BASP1: variants seen among roughly 807,000 people sequenced by gnomAD.
BASP1 encodes brain abundant membrane attached signal protein 1, also known as brain acid soluble protein 1.
Under a neutral mutation model 2.2 loss-of-function variants are expected in BASP1, and 1 was observed. The observed-to-expected ratio is 0.46, with a 90% CI of 0.16 to 2.17. BASP1 has a LOEUF of 2.17. Ranked by LOEUF, BASP1 falls within the 30% of genes most tolerant of loss-of-function variation. The pLI is 0.27. For missense variants in BASP1, 352 were observed against 327.2 expected (o/e 1.08, Z -0.58); for synonymous variants, 187 against 154.2 (o/e 1.21, Z -1.58).
In BASP1 at chr5:17,248,847, C is replaced by G. The variant is rs116125086; in HGVS notation, c.-9-26361C>G. 1.1e-4 allele frequency among the ~76,000 whole-genome samples: 17 copies of G among 152,252 alleles called. No homozygotes were observed. In the South Asian group the frequency reaches 3.3e-3, roughly 30 times the overall value. On this transcript the variant is annotated intron_variant, in intron 1 of 1. Transcript: ENST00000322611. ...TTAAAAAGCACGTTTACATGTGGTG[C>G]GCCTATTCTAGGTCTCCTTGATTTC...
chr5:17,221,138 TTCTG>T (rs1310259353), intron 1 of BASP1, among the ~76,000 whole-genome samples: 3 of 152,204 alleles, frequency 2.0e-5, no homozygotes, highest in African/African-American at 7.2e-5. Context: ...CATAATCAAT[TTCTG>T]TCTTTCTAAA....
Position 17,275,348 on chromosome 5 carries a change from G to T in BASP1, c.132G>T (p.Ala44=). 1.2e-6 allele frequency: 2 copies of T among 1,604,876 alleles called. No homozygotes were observed. The highest frequency in any genetic ancestry group is 1.7e-6 in the Non-Finnish European group (2 of 1,176,234). ...CCCCGAAGGAGAGTGAGCCCCAGGC[G>T]GCCGCAGAGCCCGCCGAGGCCAAGG... ...EGTPKESEPQ[A]AAEPAEAKEG... is the part of the protein sequence containing the mutation. The change falls in exon 2 of 2, where the codon GCG becomes GCT. Residue 44 remains alanine, a synonymous_variant. Transcript: ENST00000322611. This position sits in a 1 kb window ranked among gnomAD's most constrained non-coding sequence, Gnocchi z 5.3.
intron 1 of BASP1, among the ~76,000 whole-genome samples, chr5:17,267,852 A>AT (rs1021780008): frequency 1.2e-5 from 1 of 80,142 alleles, no homozygotes; most frequent in Middle Eastern, 7.8e-3. Flanking sequence ...GCTTTTTAAA[A>AT]TTTTTTTTAT....
intron 1 of BASP1, among the ~76,000 whole-genome samples, chr5:17,268,122 TTAGGAAATTTGAGATCCAG>T (rs1740454079): frequency 6.6e-6 from 1 of 152,124 alleles, no homozygotes; most frequent in Non-Finnish European, 1.5e-5. Context: ...GTTTTACTGA[TTAGGAAATTTGAGATCCAG>T]AGTGGGAGGT....
intron 1 of BASP1, among the ~76,000 whole-genome samples, chr5:17,261,828 G>A (rs1160284754): frequency 1.3e-5 from 2 of 152,078 alleles, no homozygotes; most frequent in African/African-American, 4.8e-5. Flanking sequence ...AAAATTGCAC[G>A]TTTCTGCCGT....
At position 17,275,969 on chromosome 5, in the gene BASP1, C is replaced by G. The variant is rs1034066410; in HGVS notation, c.*69C>G. 4 of 987,418 alleles carry G rather than the reference C, an allele frequency of 4.1e-6. No individual in the cohort carries two copies. In the East Asian group the frequency reaches 1.2e-4, roughly 29 times the overall value. The allele number at this position is 987,418 out of a possible 1,614,324, so 61.2% of individuals were successfully genotyped here. On this transcript the variant is annotated 3_prime_UTR_variant, in exon 2 of 2. Coordinates refer to ENST00000322611, the MANE Select transcript of BASP1 (RefSeq NM_006317.5). This position sits in a 1 kb window ranked among gnomAD's most constrained non-coding sequence, Gnocchi z 5.3. ...CCTCTCTCTCTCTCTCTCTCTCTCT[C>G]TATCTCTCTCTCTATCTCCTCTCTC...
rs1168359403 is a variant in BASP1, at chr5:17,275,983, ATCTCCTCTCTC to A, written c.*88_*98del. The A allele has an allele frequency of 3.6e-5, 43 of 1,191,634 alleles. No homozygotes were observed. In the African/African-American group the frequency reaches 4.9e-4, roughly 14 times the overall value. 73.8% of individuals were successfully genotyped at this position (1,191,634 alleles called of 1,614,324 possible). On this transcript the variant is annotated 3_prime_UTR_variant, in exon 2 of 2. Transcript: ENST00000322611. The surrounding 1 kb of genome is among the most constrained non-coding windows in gnomAD (Gnocchi z 5.3). ...TCTCTCTCTCTCTATCTCTCTCTCT[ATCTCCTCTCTC>A]TCTCTCCTCTCCTATCTCTCCTCTC...
intron 1 of BASP1, among the ~76,000 whole-genome samples, chr5:17,247,079 G>A (rs1407012322): frequency 6.6e-6 from 1 of 152,146 alleles, no homozygotes; most frequent in African/African-American, 2.4e-5. Context: ...CAGCTACTCC[G>A]GAAGCTGAGG....
intron 1 of BASP1, among the ~76,000 whole-genome samples, chr5:17,233,166 T>A (rs1739668674): frequency 6.6e-6 from 1 of 152,256 alleles, no homozygotes; most frequent in Non-Finnish European, 1.5e-5. Context: ...GGTTTGCATA[T>A]TAAAACTATA....
chr5:17,224,880 G>C (rs56031198), intron 1 of BASP1, among the ~76,000 whole-genome samples: 2 of 152,224 alleles, frequency 1.3e-5, no homozygotes, highest in East Asian at 3.8e-4. Context: ...TGCCTGATTA[G>C]AAATAAACCA....
intron 1 of BASP1, among the ~76,000 whole-genome samples, chr5:17,243,093 G>A (rs902011175): frequency 6.6e-6 from 1 of 151,790 alleles, no homozygotes; most frequent in Admixed American, 6.6e-5. Context: ...AAGTTGACAT[G>A]CTAACATGCT....
chr5:17,261,837 G>A (rs1284624247), intron 1 of BASP1, among the ~76,000 whole-genome samples: 3 of 152,070 alleles, frequency 2.0e-5, no homozygotes, highest in African/African-American at 2.4e-5. Context: ...CGTTTCTGCC[G>A]TTACCAACAC....
chr5:17,261,761 C>A (rs1740319920), intron 1 of BASP1, among the ~76,000 whole-genome samples: 1 of 152,208 alleles, frequency 6.6e-6, no homozygotes, highest in Admixed American at 6.5e-5. Flanking sequence ...CTCATCCTAT[C>A]TTCCCATAGA....
chr5:17,233,261 A>G lies in BASP1; in HGVS notation c.-10+15451A>G, dbSNP rs190123501. Among the ~76,000 whole-genome samples, 3 of 152,352 alleles carry G rather than the reference A, an allele frequency of 2.0e-5. No homozygotes were observed. The East Asian group carries it at 5.8e-4, about 29-fold the overall frequency. ...TATAAGATATTCTCATACCATCTCT[A>G]TAATCTATGCCATAAACACTTGGCA... On this transcript the variant is annotated intron_variant, in intron 1 of 1. Coordinates refer to ENST00000322611, the MANE Select transcript of BASP1 (RefSeq NM_006317.5).
At chr5:17,220,240 G>A (rs964280240) in intron 1 of BASP1, among the ~76,000 whole-genome samples, 4 of 152,042 alleles carry the variant, frequency 2.6e-5, no homozygotes, top group Non-Finnish European at 5.9e-5. Context: ...TACTGGCTAC[G>A]GTGGCTGTCT....
rs565167538 is a variant in BASP1 at position 17,242,067 on chromosome 5, G to C, written c.-10+24257G>C. Among the ~76,000 whole-genome samples, 40 of 152,250 alleles carry C rather than the reference G, an allele frequency of 2.6e-4. No individual in the cohort carries two copies. The South Asian group carries it at 8.1e-3, about 31-fold the overall frequency. ...TCACGTCTATTCTGTATGCTTTCTT[G>C]ATTGGCTGAGGAAGGGGTGAAATCA... On this transcript the variant is annotated intron_variant, in intron 1 of 1. Transcript: ENST00000322611.
intron 1 of BASP1, among the ~76,000 whole-genome samples, chr5:17,243,786 C>G (rs10042067): frequency 0.028 from 4,300 of 152,196 alleles, 201 homozygotes; most frequent in African/African-American, 0.096. Context: ...AGCTCTATGC[C>G]TCCAGACCCT....
chr5:17,252,265 A>T (rs1457833840), intron 1 of BASP1, among the ~76,000 whole-genome samples: 1 of 152,216 alleles, frequency 6.6e-6, no homozygotes, highest in Non-Finnish European at 1.5e-5. Flanking sequence ...AAACATGAAC[A>T]TTCTAACTTT....
intron 1 of BASP1, among the ~76,000 whole-genome samples, chr5:17,254,174 T>G (rs1740155388): frequency 6.7e-6 from 1 of 148,386 alleles, no homozygotes; most frequent in Non-Finnish European, 1.5e-5. Context: ...TTATGACAAG[T>G]GAGAATAATT....
Sources: gnomAD v4.1 joint callset for allele counts (sites outside exome capture counted in the v4.1 genomes callset) on GRCh38, gnomAD v4.1.1 for gene constraint, Gnocchi (gnomAD v3.1) non-coding constraint, MANE v1.5 for transcripts, NCBI Gene and HGNC (gene_info 2026-07-23, HGNC 2026-07-21) for gene names.